Variants in ARHGAP42 observed in about 807,000 individuals in gnomAD.
The protein encoded by ARHGAP42 is rho GTPase-activating protein 42.
In ARHGAP42, 63 loss-of-function variants were observed where a neutral mutation model predicts 125.0. That is an observed-to-expected ratio of 0.50 (90% CI 0.41 to 0.62). The LOEUF is 0.62. Among genes scored for constraint, ARHGAP42 ranks in the 20% least tolerant of loss-of-function variants. ARHGAP42 has a pLI of 0.00. For missense variants in ARHGAP42, 766 were observed against 1,024.2 expected (o/e 0.75, Z 3.44); for synonymous variants, 339 against 351.0 (o/e 0.97, Z 0.38).
chr11:100,984,186 T>C (rs775580215), intron 22 of ARHGAP42, among the ~76,000 whole-genome samples: 3 of 151,902 alleles, frequency 2.0e-5, no homozygotes, highest in Non-Finnish European at 2.9e-5. Flanking sequence ...GCAGTGCTTA[T>C]TGGTAAACTG....
At chr11:100,770,996 C>T (rs1034330133) in intron 2 of ARHGAP42, among the ~76,000 whole-genome samples, 3 of 152,180 alleles carry the variant, frequency 2.0e-5, no homozygotes, top group Non-Finnish European at 2.9e-5. Context: ...TTGAATTATT[C>T]GTTCAAACAA....
Position 100,770,343 on chromosome 11 carries a change from A to G in ARHGAP42, c.155A>G (p.Asn52Ser). Residue 52 changes from asparagine to serine, a missense_variant and splice_region_variant, in exon 2 of 24, where the codon AAT becomes AGT. By Grantham distance (46) the Asn-to-Ser change is conservative. Transcript: ENST00000298815. ...TTTTTTGCTTAACTTTTACTTGCAG[A>G]TCTGTCTATGGCAGTGCAGAAATTT... ...DGSLLIGALR[N>S]LSMAVQKFSQ... is the part of the protein sequence containing the mutation. 4 of 1,541,676 alleles carry G rather than the reference A, an allele frequency of 2.6e-6. No individual in the cohort carries two copies. The highest frequency in any genetic ancestry group is 3.5e-6 in the Non-Finnish European group (4 of 1,142,906).
chr11:100,786,248 A>T (rs1314103859), intron 2 of ARHGAP42, among the ~76,000 whole-genome samples: 1 of 152,230 alleles, frequency 6.6e-6, no homozygotes, highest in African/African-American at 2.4e-5. Flanking sequence ...CATTTTCATG[A>T]GCACACTAAA....
chr11:100,969,449 A>G (rs73579228), intron 17 of ARHGAP42, among the ~76,000 whole-genome samples: 1,565 of 151,672 alleles, frequency 0.01, 26 homozygotes, highest in African/African-American at 0.035. Context: ...ATTTTTTTCT[A>G]CTTCTCTCTT....
At chr11:100,742,093 CCTT>C (rs1417671348) in intron 1 of ARHGAP42, among the ~76,000 whole-genome samples, 8 of 152,202 alleles carry the variant, frequency 5.3e-5, no homozygotes, top group South Asian at 2.1e-4. Flanking sequence ...CAAAACATCT[CCTT>C]CTGCTTTTTG....
chr11:100,812,229 T>C (rs577292336), intron 3 of ARHGAP42, among the ~76,000 whole-genome samples: 16 of 152,366 alleles, frequency 1.1e-4, no homozygotes, highest in African/African-American at 3.6e-4. Context: ...TGGAAAACTT[T>C]ATAGCAAAGC....
At chr11:100,936,892 GAGTTTTTTGTGCATGTTACT>G (rs1239072616) in intron 8 of ARHGAP42, among the ~76,000 whole-genome samples, 3 of 152,146 alleles carry the variant, frequency 2.0e-5, no homozygotes, top group African/African-American at 7.2e-5. Flanking sequence ...TGTATAACTG[GAGTTTTTTGTGCATGTTACT>G]TGTCATTAAG....
At chr11:100,916,599 G>GA (rs1271460800) in intron 5 of ARHGAP42, among the ~76,000 whole-genome samples, 1 of 152,020 alleles carries the variant, frequency 6.6e-6, no homozygotes, top group African/African-American at 2.4e-5. Flanking sequence ...GAAGGTATAG[G>GA]AAATTGGGCA....
chr11:100,894,366 T>G (rs1415074636), intron 4 of ARHGAP42, among the ~76,000 whole-genome samples: 1 of 152,184 alleles, frequency 6.6e-6, no homozygotes, highest in African/African-American at 2.4e-5. Context: ...TTTTTGCAAG[T>G]GTTCTGGTCA....
intron 4 of ARHGAP42, among the ~76,000 whole-genome samples, chr11:100,901,525 G>T (rs995582781): frequency 6.6e-6 from 1 of 152,200 alleles, no homozygotes; most frequent in African/African-American, 2.4e-5. Flanking sequence ...TAGATGTGGA[G>T]TCTATGGAGG....
At chr11:100,774,413 A>G (rs563636619) in intron 2 of ARHGAP42, among the ~76,000 whole-genome samples, 1 of 152,308 alleles carries the variant, frequency 6.6e-6, no homozygotes, top group East Asian at 1.9e-4. Flanking sequence ...TGAAAGAGGA[A>G]TGAGGTAGGG....
intron 22 of ARHGAP42, among the ~76,000 whole-genome samples, chr11:100,983,073 G>A (rs778619056): frequency 3.9e-5 from 6 of 152,136 alleles, no homozygotes; most frequent in Admixed American, 2.0e-4. Flanking sequence ...TTGGTGCACA[G>A]CCTTCTAATC....
intron 4 of ARHGAP42, among the ~76,000 whole-genome samples, chr11:100,895,508 T>G (rs903531365): frequency 9.2e-5 from 14 of 151,746 alleles, no homozygotes; most frequent in Non-Finnish European, 1.6e-4. Flanking sequence ...TTTTTTTTTT[T>G]TTTTTAATCC....
chr11:100,954,376 T>C (rs520539), intron 12 of ARHGAP42, among the ~76,000 whole-genome samples: 134,293 of 152,230 alleles, frequency 0.88, 59,329 homozygotes, highest in East Asian at 1. Context: ...ATGTGTGTAA[T>C]GACAAAGTCA....
At chr11:100,778,291 T>A (rs527699600) in intron 2 of ARHGAP42, among the ~76,000 whole-genome samples, 24 of 152,274 alleles carry the variant, frequency 1.6e-4, no homozygotes, top group Non-Finnish European at 3.1e-4. Flanking sequence ...GCTGAACTCT[T>A]CTAAAAGAGA....
At chr11:100,735,749 C>T (rs111256075) in intron 1 of ARHGAP42, among the ~76,000 whole-genome samples, 3,938 of 151,668 alleles carry the variant, frequency 0.026, 69 homozygotes, top group Non-Finnish European at 0.031. Context: ...GCTGGGATTA[C>T]AGGCGCCCGC....
intron 1 of ARHGAP42, among the ~76,000 whole-genome samples, chr11:100,714,159 G>C (rs1861611425): frequency 6.6e-6 from 1 of 152,136 alleles, no homozygotes. Context: ...TCCTGTTTTT[G>C]TGAAAATCTT....
intron 6 of ARHGAP42, among the ~76,000 whole-genome samples, chr11:100,923,014 C>T (rs1193146202): frequency 6.6e-6 from 1 of 152,210 alleles, no homozygotes; most frequent in Non-Finnish European, 1.5e-5. Context: ...GCATTATCCT[C>T]TTATATAGTG....
At chr11:100,897,205 G>A (rs530715517) in intron 4 of ARHGAP42, among the ~76,000 whole-genome samples, 3 of 152,266 alleles carry the variant, frequency 2.0e-5, no homozygotes, top group African/African-American at 7.2e-5. Flanking sequence ...CTGTATATCT[G>A]TACTGGTACC....
Sources: allele counts gnomAD v4.1 joint callset (sites outside exome capture counted in the v4.1 genomes callset), GRCh38; gene constraint gnomAD v4.1.1; transcripts MANE v1.5; gene names NCBI Gene and HGNC (gene_info 2026-07-23, HGNC 2026-07-21).